CDC27: variants seen among roughly 807,000 people sequenced by gnomAD.
The protein encoded by CDC27 is cell division cycle protein 27 homolog.
Under a neutral mutation model 109.7 loss-of-function variants are expected in CDC27, and 27 were observed. The observed-to-expected ratio is 0.25, with a 90% CI of 0.18 to 0.34. The LOEUF is 0.34. CDC27 is among the 10% of genes least tolerant of loss of function. CDC27 has a pLI of 1.00. For synonymous variants in CDC27, 266 were observed against 333.9 expected (o/e 0.80, Z 2.22); for missense variants, 579 against 960.2 (o/e 0.60, Z 5.25).
At chr17:47,143,801 T>C (rs2062869527) in intron 10 of CDC27, 82 bp downstream of exon 10, 1 of 534,410 alleles carries the variant, frequency 1.9e-6, no homozygotes, top group Non-Finnish European at 3.1e-6. Context: ...TGTTAACTTA[T>C]TAGGAATGGA....
chr17:47,151,613 T>C (rs1337667367), intron 9 of CDC27, among the ~76,000 whole-genome samples, 193 bp downstream of exon 9: 1 of 152,220 alleles, frequency 6.6e-6, no homozygotes, highest in Non-Finnish European at 1.5e-5. Flanking sequence ...TAGTTAACTA[T>C]TGTCTTCTGT....
intron 10 of CDC27, 48 bp from the exon 11 acceptor site, chr17:47,142,484 A>C: frequency 1.4e-6 from 1 of 721,922 alleles, no homozygotes; most frequent in Non-Finnish European, 2.3e-6. Flanking sequence ...TGTATTTTAG[A>C]TTTCTCCTCA....
chr17:47,166,670 C>T (rs1257966158), intron 4 of CDC27, among the ~76,000 whole-genome samples: 4 of 152,088 alleles, frequency 2.6e-5, no homozygotes, highest in Non-Finnish European at 5.9e-5. Flanking sequence ...TAGTTTCTTA[C>T]AGTGAAAGCT....
chr17:47,136,598 A>G (rs1476893169), intron 14 of CDC27, among the ~76,000 whole-genome samples: 1 of 152,230 alleles, frequency 6.6e-6, no homozygotes. Context: ...GTTGATAACA[A>G]TATGACCTAG....
intron 9 of CDC27, among the ~76,000 whole-genome samples, chr17:47,144,382 G>C (rs757184693): frequency 6.6e-6 from 1 of 152,006 alleles, no homozygotes; most frequent in African/African-American, 2.4e-5. Context: ...ACTCTGGATC[G>C]ACAAATGATA....
intron 12 of CDC27, among the ~76,000 whole-genome samples, chr17:47,140,995 T>C (rs1249377414): frequency 1.3e-5 from 2 of 152,224 alleles, no homozygotes; most frequent in South Asian, 4.1e-4. Flanking sequence ...TTCATTTTTC[T>C]TCATGACTTA....
chr17:47,146,452 C>G (rs1169343343), intron 9 of CDC27, among the ~76,000 whole-genome samples: 1 of 152,164 alleles, frequency 6.6e-6, no homozygotes, highest in Non-Finnish European at 1.5e-5. Context: ...AGTGAAGAAA[C>G]TACCCAAAGC....
Position 47,143,931 on chromosome 17 carries a change from C to A in CDC27, c.1122G>T (p.Leu374=). 1 of 1,497,554 alleles carries A rather than the reference C, an allele frequency of 6.7e-7. No homozygotes were observed. The highest frequency in any genetic ancestry group is 1.4e-5 in the South Asian group (1 of 69,342). 92.8% of individuals were successfully genotyped at this position (1,497,554 alleles called of 1,614,324 possible). A position where few individuals can be genotyped will look rare whatever the true frequency, so the allele number is the denominator to read the frequency against. ...SPTITSPPNA[L]PRRSSRLFTS... ...TAAAGAGTCGTGAACTTCTTCGAGG[C>A]AGTGCGTTTGGGGGAGATGTAATAG... The change falls in exon 10 of 19, where the codon CTG becomes CTT. Residue 374 remains leucine (L), a synonymous_variant. Transcript: ENST00000066544.
intron 3 of CDC27, 115 bp from the exon 4 acceptor site, chr17:47,170,157 C>T: frequency 4.4e-6 from 3 of 678,356 alleles, no homozygotes; most frequent in South Asian, 2.7e-5. Context: ...TTTTCTCTCT[C>T]TCTCTTTCCT....
At chr17:47,145,325 C>T (rs1343866816) in intron 9 of CDC27, among the ~76,000 whole-genome samples, 1 of 152,162 alleles carries the variant, frequency 6.6e-6, no homozygotes, top group Non-Finnish European at 1.5e-5. Context: ...CAAGGCAGAG[C>T]ACCAGAGAGA....
At chr17:47,174,878 C>T (rs1412038130) in intron 2 of CDC27, among the ~76,000 whole-genome samples, 1 of 152,098 alleles carries the variant, frequency 6.6e-6, no homozygotes, top group Non-Finnish European at 1.5e-5. Flanking sequence ...ATCACTTAAA[C>T]CCGGGAGGCA....
At chr17:47,168,012 G>C (rs2063700294) in intron 4 of CDC27, among the ~76,000 whole-genome samples, 1 of 152,222 alleles carries the variant, frequency 6.6e-6, no homozygotes, top group African/African-American at 2.4e-5. Context: ...GCGAGGCATG[G>C]GGAAAGAGAG....
intron 17 of CDC27, 78 bp downstream of exon 17, chr17:47,123,808 A>C (rs1485275360): frequency 2.0e-6 from 2 of 992,734 alleles, no homozygotes; most frequent in Non-Finnish European, 3.0e-6. Flanking sequence ...TATGTACAGG[A>C]AGTATTACAT....
Position 47,189,274 on chromosome 17 carries a change from CG to C in CDC27, c.-103del, listed in dbSNP as rs1473952577. The C allele has an allele frequency of 2.2e-6, 2 of 906,444 alleles. No homozygotes were observed. The highest frequency in any genetic ancestry group is 3.6e-6 in the Non-Finnish European group (2 of 551,342). 56.2% of individuals were successfully genotyped at this position (906,444 alleles called of 1,614,324 possible). A position where few individuals can be genotyped will look rare whatever the true frequency, so the allele number is the denominator to read the frequency against. On this transcript the variant is annotated 5_prime_UTR_variant, in exon 1 of 19. Coordinates refer to ENST00000066544, the MANE Select transcript of CDC27 (RefSeq NM_001256.6). Reference sequence around the variant, plus strand: ...ATTTAAACTCACCAGCGACCGTTACCGGGGGATGGGGGAGGCCGAGCGATTG... The same window carrying C: ...ATTTAAACTCACCAGCGACCGTTACCGGGGATGGGGGAGGCCGAGCGATTG...
intron 1 of CDC27, among the ~76,000 whole-genome samples, chr17:47,184,272 A>G (rs922483749): frequency 1.3e-5 from 2 of 152,226 alleles, no homozygotes; most frequent in African/African-American, 4.8e-5. Flanking sequence ...CTAGTATACT[A>G]TCATACATTA....
intron 5 of CDC27, 128 bp from the exon 6 acceptor site, chr17:47,157,512 C>T (rs926608358): frequency 3.4e-6 from 2 of 585,010 alleles, no homozygotes; most frequent in African/African-American, 3.8e-5. Context: ...CTGTCCACTT[C>T]TGCTAATCAA....
rs766020946 is a variant in CDC27, at chr17:47,154,839, G to T, written c.843-53C>A. 7 of 816,158 alleles carry T rather than the reference G, an allele frequency of 8.6e-6. No homozygotes were observed. The South Asian group carries it at 1.0e-4, about 12-fold the overall frequency. 50.6% of individuals were successfully genotyped at this position (816,158 alleles called of 1,614,324 possible). A position where few individuals can be genotyped will look rare whatever the true frequency, so the allele number is the denominator to read the frequency against. On this transcript the variant is annotated intron_variant, in intron 7 of 18. Coordinates refer to ENST00000066544, the MANE Select transcript of CDC27 (RefSeq NM_001256.6). The stretch of plus-strand genomic sequence containing the variant: ...AAAAAGTCATCAAGGCATATATAAA[G>T]CAGCAGTATACTTAAATTAGAAGGT...
chr17:47,132,771 AT>A (rs1555783678), intron 14 of CDC27, among the ~76,000 whole-genome samples: 1 of 127,286 alleles, frequency 7.9e-6, no homozygotes, highest in Non-Finnish European at 1.6e-5. Context: ...TATTATTATT[AT>A]TATTATTATA....
intron 3 of CDC27, among the ~76,000 whole-genome samples, chr17:47,171,418 A>C (rs2063809006): frequency 6.6e-6 from 1 of 152,222 alleles, no homozygotes; most frequent in Non-Finnish European, 1.5e-5. Context: ...TCCATCTCTT[A>C]CAGTACAGAA....
Sources: gnomAD v4.1 joint callset for allele counts (sites outside exome capture counted in the v4.1 genomes callset) on GRCh38, gnomAD v4.1.1 for gene constraint, MANE v1.5 for transcripts, NCBI Gene and HGNC (gene_info 2026-07-23, HGNC 2026-07-21) for gene names.